Variants in INVS observed in about 807,000 individuals in gnomAD.
The protein encoded by INVS is inversion of embryo turning homolog.
In INVS, 86 loss-of-function variants were observed where a neutral mutation model predicts 108.8. That is an observed-to-expected ratio of 0.79 (90% CI 0.66 to 0.95). The LOEUF (loss-of-function observed/expected upper bound fraction) is 0.95. Ranked by LOEUF, INVS falls within the 40% of genes least tolerant of loss-of-function variation. INVS has a pLI of 0.00. For synonymous variants in INVS, 455 were observed against 473.5 expected, an observed-to-expected ratio of 0.96 and a Z score of 0.51; for missense variants, 1,169 against 1,297.4, an observed-to-expected ratio of 0.90 and a Z score of 1.52.
intron 3 of INVS, among the ~76,000 whole-genome samples, chr9:100,160,548 C>T (rs1829137395): frequency 6.6e-6 from 1 of 152,162 alleles, no homozygotes; most frequent in South Asian, 2.1e-4. Context: ...CTCAGTTGTT[C>T]TACTTCACTT....
At chr9:100,167,397 G>A (rs1051473407) in intron 3 of INVS, among the ~76,000 whole-genome samples, 4 of 152,006 alleles carry the variant, frequency 2.6e-5, no homozygotes, top group African/African-American at 9.7e-5. Context: ...CCTCTAGTAG[G>A]TGAGTCAAGC....
intron 3 of INVS, among the ~76,000 whole-genome samples, chr9:100,213,531 A>G (rs1395864213): frequency 6.6e-6 from 1 of 152,026 alleles, no homozygotes; most frequent in East Asian, 1.9e-4. Context: ...TATTACAATG[A>G]TATTGAATTA....
chr9:100,115,179 A>G (rs1827469562), intron 2 of INVS, among the ~76,000 whole-genome samples: 1 of 152,122 alleles, frequency 6.6e-6, no homozygotes, highest in Non-Finnish European at 1.5e-5. Flanking sequence ...ATTATAGGTT[A>G]AGTTTACATT....
chr9:100,147,223 A>G (rs998434542), intron 3 of INVS, among the ~76,000 whole-genome samples: 2 of 152,188 alleles, frequency 1.3e-5, no homozygotes, highest in African/African-American at 4.8e-5. Flanking sequence ...TAGGCCCTCT[A>G]CATACTCAGT....
chr9:100,137,236 A>G (rs1037838166), intron 3 of INVS, among the ~76,000 whole-genome samples: 3 of 152,170 alleles, frequency 2.0e-5, no homozygotes, highest in African/African-American at 7.2e-5. Flanking sequence ...TCTTTTGATT[A>G]GAGGGAGATG....
At chr9:100,198,318 A>T (rs1299497101) in intron 3 of INVS, among the ~76,000 whole-genome samples, 23 of 40,264 alleles carry the variant, frequency 5.7e-4, no homozygotes, top group African/African-American at 2.0e-3. Flanking sequence ...TTTTTTTTGG[A>T]GACAGTTTCA....
At chr9:100,256,265 C>T (rs1832416857) in intron 10 of INVS, among the ~76,000 whole-genome samples, 1 of 152,112 alleles carries the variant, frequency 6.6e-6, no homozygotes, top group Non-Finnish European at 1.5e-5. Context: ...GTGATATTCC[C>T]TTTATCATTT....
rs770493291 is a variant in INVS at position 100,157,267 on chromosome 9, C to CTTTTTTTTTTTTT, written c.273+30721_273+30733dup. Reference sequence around the variant, plus strand: ...GAAATAGTAAAAATTTCTTTTTTTTCTTTTTTTTTTTTTTTGAGGCAGAGT... The same window carrying CTTTTTTTTTTTTT: ...GAAATAGTAAAAATTTCTTTTTTTTCTTTTTTTTTTTTTTTTTTTTTTTTTTTTGAGGCAGAGT... On this transcript the variant is annotated intron_variant, in intron 3 of 16. Transcript: ENST00000262457. Among the ~76,000 whole-genome samples, 107 of 130,078 alleles carry CTTTTTTTTTTTTT rather than the reference C, an allele frequency of 8.2e-4. 7 individuals are homozygous for CTTTTTTTTTTTTT. Among genetic ancestry groups the CTTTTTTTTTTTTT allele is most frequent in the African/African-American group, 2.4e-3 (74 of 30,490 alleles). The allele number at this position is 130,078 out of a possible 152,430, so 85.3% of individuals were successfully genotyped here.
At chr9:100,123,365 T>C (rs773092166) in intron 2 of INVS, among the ~76,000 whole-genome samples, 1 of 152,230 alleles carries the variant, frequency 6.6e-6, no homozygotes, top group Non-Finnish European at 1.5e-5. Context: ...ATATGTGGTA[T>C]TTTTTGACTG....
chr9:100,170,564 C>CAA (rs200594637), intron 3 of INVS, among the ~76,000 whole-genome samples: 1 of 141,270 alleles, frequency 7.1e-6, no homozygotes, highest in African/African-American at 2.6e-5. Flanking sequence ...GATTCTGTCT[C>CAA]AAAAAAAAAA....
At chr9:100,281,973 C>G (rs1017457459) in intron 12 of INVS, among the ~76,000 whole-genome samples, 3 of 152,178 alleles carry the variant, frequency 2.0e-5, no homozygotes, top group Admixed American at 1.3e-4. Context: ...GCTCAAATAA[C>G]AAAGTCTAAT....
At chr9:100,133,885 A>C (rs1305762358) in intron 3 of INVS, among the ~76,000 whole-genome samples, 1 of 151,964 alleles carries the variant, frequency 6.6e-6, no homozygotes, top group Non-Finnish European at 1.5e-5. Flanking sequence ...CTACTAGAAG[A>C]CATGTATGAG....
At position 100,226,336 on chromosome 9, in the gene INVS, T is replaced by C. The variant is rs1831321011; in HGVS notation, c.447+101T>C. 7 of 919,140 alleles carry C rather than the reference T, an allele frequency of 7.6e-6. No homozygotes were observed. In the South Asian group the frequency reaches 1.0e-4, roughly 14 times the overall value. 56.9% of individuals were successfully genotyped at this position (919,140 alleles called of 1,614,324 possible). On this transcript the variant is annotated intron_variant, in intron 4 of 16. Coordinates refer to ENST00000262457, the MANE Select transcript of INVS (RefSeq NM_014425.5). ...AAGAAGGCCTGAATTACCACATATA[T>C]ACATGGTAGAACAATTCCAAATCTC... is the stretch of plus-strand genomic sequence containing the variant.
At chr9:100,140,816 C>T (rs972353247) in intron 3 of INVS, among the ~76,000 whole-genome samples, 4 of 151,900 alleles carry the variant, frequency 2.6e-5, no homozygotes, top group Non-Finnish European at 5.9e-5. Context: ...AAACGTTCGT[C>T]ATTTAGAATT....
intron 2 of INVS, among the ~76,000 whole-genome samples, chr9:100,124,136 T>C (rs945602137): frequency 1.3e-5 from 2 of 151,990 alleles, no homozygotes; most frequent in African/African-American, 4.8e-5. Flanking sequence ...TAAATCTCTT[T>C]GTATAGTTTG....
At chr9:100,277,937 T>C (rs1833158422) in intron 12 of INVS, among the ~76,000 whole-genome samples, 1 of 152,132 alleles carries the variant, frequency 6.6e-6, no homozygotes, top group Non-Finnish European at 1.5e-5. Flanking sequence ...CACAATCGTA[T>C]ATAAGGAATT....
chr9:100,223,209 C>T (rs1049642475), intron 3 of INVS, among the ~76,000 whole-genome samples: 3 of 151,782 alleles, frequency 2.0e-5, no homozygotes, highest in Admixed American at 6.6e-5. Context: ...ATTTTCATGC[C>T]TCACCCTCCC....
intron 3 of INVS, chr9:100,130,572 C>T (rs1180033894): frequency 6.6e-6 from 1 of 152,094 alleles, no homozygotes; most frequent in African/African-American, 2.4e-5. Flanking sequence ...TAGATGGATG[C>T]TCTCAGTACC....
chr9:100,236,381 C>G (rs1453177576), intron 5 of INVS, among the ~76,000 whole-genome samples: 1 of 152,164 alleles, frequency 6.6e-6, no homozygotes, highest in African/African-American at 2.4e-5. Context: ...CATTCTCTGT[C>G]CATTTTTGTT....
Sources: allele counts gnomAD v4.1 joint callset (sites outside exome capture counted in the v4.1 genomes callset), GRCh38; gene constraint gnomAD v4.1.1; transcripts MANE v1.5; gene names NCBI Gene and HGNC (gene_info 2026-07-23, HGNC 2026-07-21).